CACNG3: variants seen among roughly 807,000 people sequenced by gnomAD.
CACNG3 encodes the protein voltage-dependent calcium channel gamma-3 subunit.
CACNG3 carries 3 observed loss-of-function variants against 28.5 expected under a neutral mutation model. The observed-to-expected ratio is 0.11, with a 90% confidence interval of 0.05 to 0.27. The LOEUF (loss-of-function observed/expected upper bound fraction) is 0.27. Ranked by LOEUF, CACNG3 falls within the 10% of genes least tolerant of loss-of-function variation. The pLI, the probability that CACNG3 is intolerant of heterozygous loss-of-function variation, is 1.00. For synonymous variants in CACNG3, 174 were observed against 162.2 expected (o/e 1.07, Z -0.55); for missense variants, 236 against 414.4 (o/e 0.57, Z 3.74).
At chr16:24,347,025 A>C (rs1165151253) in intron 2 of CACNG3, among the ~76,000 whole-genome samples, 1 of 152,164 alleles carries the variant, frequency 6.6e-6, no homozygotes, top group African/African-American at 2.4e-5. Flanking sequence ...AGAAAGAAGA[A>C]GCAGGGGGTA....
chr16:24,288,668 A>G (rs1205915169), intron 1 of CACNG3, among the ~76,000 whole-genome samples: 1 of 152,190 alleles, frequency 6.6e-6, no homozygotes, highest in Non-Finnish European at 1.5e-5. Flanking sequence ...ATGGCCACAC[A>G]TACTGTCTGT....
intron 1 of CACNG3, among the ~76,000 whole-genome samples, chr16:24,311,009 C>T (rs559273698): frequency 1.3e-5 from 2 of 152,286 alleles, no homozygotes; most frequent in East Asian, 1.9e-4. Context: ...TCCCTGCACC[C>T]GTTTCCATGT....
At chr16:24,295,466 ACAAT>A (rs374934525) in intron 1 of CACNG3, among the ~76,000 whole-genome samples, 83 of 152,296 alleles carry the variant, frequency 5.4e-4, no homozygotes, top group African/African-American at 1.8e-3. Flanking sequence ...AAAATAACTG[ACAAT>A]CAATCGTTAT....
intron 1 of CACNG3, among the ~76,000 whole-genome samples, chr16:24,332,425 A>G (rs1168634836): frequency 6.6e-6 from 1 of 150,782 alleles, no homozygotes; most frequent in African/African-American, 2.4e-5. Flanking sequence ...TGATTGTGCC[A>G]CTGCCCTTCA....
At chr16:24,318,697 G>T (rs549402445) in intron 1 of CACNG3, among the ~76,000 whole-genome samples, 1 of 152,216 alleles carries the variant, frequency 6.6e-6, no homozygotes, top group Admixed American at 6.5e-5. Context: ...TGCAGGTGGG[G>T]TCACATGTTA....
chr16:24,326,506 C>G (rs2141371838), intron 1 of CACNG3, among the ~76,000 whole-genome samples: 1 of 152,306 alleles, frequency 6.6e-6, no homozygotes, highest in East Asian at 1.9e-4. Context: ...AACCAATGTT[C>G]CAAGACTATC....
chr16:24,323,219 CAAAAAA>C (rs761999416), intron 1 of CACNG3, among the ~76,000 whole-genome samples: 1 of 66,794 alleles, frequency 1.5e-5, no homozygotes, highest in Non-Finnish European at 2.7e-5. Flanking sequence ...GAGCAGGACT[CAAAAAA>C]AAAAAAAAAA....
At chr16:24,285,697 T>C (rs1426519208) in intron 1 of CACNG3, among the ~76,000 whole-genome samples, 9 of 151,864 alleles carry the variant, frequency 5.9e-5, no homozygotes, top group Non-Finnish European at 1.0e-4. Context: ...AAATAAGTAA[T>C]TATATATCTA....
At chr16:24,317,610 G>GAAAGAAAGAAAGAAAGAAAGGA (rs1899379147) in intron 1 of CACNG3, among the ~76,000 whole-genome samples, 2 of 66,590 alleles carry the variant, frequency 3.0e-5, no homozygotes, top group African/African-American at 6.9e-5. Context: ...AAGAAAGAAA[G>GAAAGAAAGAAAGAAAGAAAGGA]AAAGAAAGAA....
chr16:24,351,724 GGA>G (rs201226171), intron 2 of CACNG3, among the ~76,000 whole-genome samples: 1 of 109,428 alleles, frequency 9.1e-6, no homozygotes, highest in Admixed American at 1.0e-4. Context: ...AAGGAGGGAG[GGA>G]GAGAGAGAGA....
intron 1 of CACNG3, among the ~76,000 whole-genome samples, chr16:24,308,986 C>A (rs1438118128): frequency 6.6e-6 from 1 of 152,024 alleles, no homozygotes; most frequent in Non-Finnish European, 1.5e-5. Context: ...TCACTTAACC[C>A]TTCACAGCAG....
At chr16:24,301,242 T>A (rs1348773822) in intron 1 of CACNG3, among the ~76,000 whole-genome samples, 2 of 151,328 alleles carry the variant, frequency 1.3e-5, no homozygotes, top group African/African-American at 4.9e-5. Context: ...CTCAATTATA[T>A]GGGGATCCAT....
chr16:24,333,066 C>T (rs1395900915), intron 1 of CACNG3, among the ~76,000 whole-genome samples: 1 of 152,166 alleles, frequency 6.6e-6, no homozygotes, highest in African/African-American at 2.4e-5. Context: ...AAACTGATGA[C>T]AGGCTCAAAT....
At chr16:24,316,875 A>G (rs535046883) in intron 1 of CACNG3, among the ~76,000 whole-genome samples, 1 of 152,242 alleles carries the variant, frequency 6.6e-6, no homozygotes, top group Non-Finnish European at 1.5e-5. Context: ...CCTTTGTTCA[A>G]ATTCCAGCCT....
chr16:24,293,801 A>C (rs1449504423), intron 1 of CACNG3, among the ~76,000 whole-genome samples: 1 of 152,184 alleles, frequency 6.6e-6, no homozygotes, highest in Non-Finnish European at 1.5e-5. Flanking sequence ...AGCATCAGTC[A>C]GCAGATGTTC....
intron 1 of CACNG3, among the ~76,000 whole-genome samples, chr16:24,344,141 C>T (rs1305907364): frequency 2.6e-5 from 4 of 151,782 alleles, no homozygotes; most frequent in Non-Finnish European, 5.9e-5. Context: ...GGATAAAACA[C>T]GTAAATGTGG....
Position 24,358,948 on chromosome 16 carries a change from C to A in CACNG3, c.437-2404C>A, listed in dbSNP as rs1259216452. ...GTATGATGCATATAAAGATTTTGCACAGTGTGTGGCACATGGTAAGCGCCC... is the reference window on the plus strand; with the variant it reads ...GTATGATGCATATAAAGATTTTGCAAAGTGTGTGGCACATGGTAAGCGCCC... On this transcript the variant is annotated intron_variant, in intron 3 of 3. Coordinates refer to ENST00000005284, the MANE Select transcript of CACNG3 (RefSeq NM_006539.4). Among the ~76,000 whole-genome samples, 4 of 152,182 alleles carry A rather than the reference C, an allele frequency of 2.6e-5. No homozygotes were observed. In the East Asian group the frequency reaches 7.7e-4, roughly 29 times the overall value.
In CACNG3 at chr16:24,319,969, C is replaced by T. The variant is rs1899435159; in HGVS notation, c.212-26765C>T. 2.0e-5 allele frequency among the ~76,000 whole-genome samples: 3 copies of T among 152,192 alleles called. No individual in the cohort carries two copies. In the South Asian group the frequency reaches 6.2e-4, roughly 32 times the overall value. On this transcript the variant is annotated intron_variant, in intron 1 of 3. Coordinates refer to ENST00000005284, the MANE Select transcript of CACNG3 (RefSeq NM_006539.4). ...CATTTTTAGTAGAGATGGGGTTTCA[C>T]CATGTTGGCCAGGCTGGTCTCGAAC... is the stretch of plus-strand genomic sequence containing the variant.
chr16:24,310,462 G>T (rs979553366), intron 1 of CACNG3, among the ~76,000 whole-genome samples: 1 of 152,174 alleles, frequency 6.6e-6, no homozygotes, highest in Non-Finnish European at 1.5e-5. Context: ...TACTTGGGAG[G>T]CTGAGGCAGG....
Sources: allele counts gnomAD v4.1 joint callset (sites outside exome capture counted in the v4.1 genomes callset), GRCh38; gene constraint gnomAD v4.1.1; transcripts MANE v1.5; gene names NCBI Gene and HGNC (gene_info 2026-07-23, HGNC 2026-07-21).